ERBB4: variants seen among roughly 807,000 people sequenced by gnomAD.
The protein encoded by ERBB4 is receptor tyrosine-protein kinase erbB-4.
A neutral mutation model predicts 158.0 loss-of-function variants in ERBB4; 42 were observed. The ratio of observed to expected loss-of-function variants is 0.27; its 90% confidence interval spans 0.21 to 0.34. The LOEUF is 0.34. ERBB4 is among the 10% of genes least tolerant of loss of function. ERBB4 has a pLI of 1.00. For missense variants in ERBB4, 1,333 were observed against 1,624.1 expected (o/e 0.82, Z 3.08); for synonymous variants, 583 against 558.7 (o/e 1.04, Z -0.61).
At chr2:212,221,241 A>G (rs2083281363) in intron 1 of ERBB4, among the ~76,000 whole-genome samples, 1 of 151,606 alleles carries the variant, frequency 6.6e-6, no homozygotes, top group African/African-American at 2.4e-5. Context: ...GCTAGAATCA[A>G]TATGAATGAT....
intron 2 of ERBB4, among the ~76,000 whole-genome samples, chr2:212,111,799 A>C (rs1488977439): frequency 6.6e-6 from 1 of 152,136 alleles, no homozygotes; most frequent in African/African-American, 2.4e-5. Context: ...GAAAGATAAG[A>C]TGTAGCTCTT....
chr2:211,436,961 G>A (rs758556965), intron 20 of ERBB4, among the ~76,000 whole-genome samples: 49 of 152,156 alleles, frequency 3.2e-4, no homozygotes, highest in Non-Finnish European at 1.0e-4. Flanking sequence ...CAGTGCTGTA[G>A]AATGCTTTCT....
chr2:212,125,024 T>G, intron 1 of ERBB4, 121 bp from the exon 2 acceptor site: 1 of 1,235,252 alleles, frequency 8.1e-7, no homozygotes, highest in Non-Finnish European at 1.2e-6. Flanking sequence ...ATATAAATAT[T>G]TCGATCGTCA....
intron 19 of ERBB4, among the ~76,000 whole-genome samples, chr2:211,570,653 A>G (rs745901736): frequency 1.4e-4 from 22 of 151,996 alleles, no homozygotes; most frequent in Non-Finnish European, 2.9e-4. Context: ...CTTCACCTTC[A>G]CTGTGCTTAC....
chr2:211,498,434 T>A (rs1374243706), intron 20 of ERBB4, among the ~76,000 whole-genome samples: 1 of 152,158 alleles, frequency 6.6e-6, no homozygotes, highest in Admixed American at 6.5e-5. Context: ...CATGAATGTA[T>A]AAATGTAATA....
At chr2:212,425,085 C>G (rs548223937) in intron 1 of ERBB4, among the ~76,000 whole-genome samples, 2 of 151,790 alleles carry the variant, frequency 1.3e-5, no homozygotes, top group African/African-American at 4.8e-5. Flanking sequence ...GCAGATTTTT[C>G]TAAGCTTTCT....
chr2:212,166,867 G>T (rs1281598714), intron 1 of ERBB4, among the ~76,000 whole-genome samples: 1 of 152,090 alleles, frequency 6.6e-6, no homozygotes, highest in Non-Finnish European at 1.5e-5. Context: ...CATAAATGGT[G>T]CTGGGAAAAC....
At chr2:212,334,687 A>C (rs1309773807) in intron 1 of ERBB4, among the ~76,000 whole-genome samples, 1 of 152,054 alleles carries the variant, frequency 6.6e-6, no homozygotes, top group Non-Finnish European at 1.5e-5. Flanking sequence ...TATGGCAGAC[A>C]TTCAATAATG....
intron 1 of ERBB4, among the ~76,000 whole-genome samples, chr2:212,234,959 A>G (rs1245025918): frequency 1.3e-5 from 2 of 151,982 alleles, no homozygotes; most frequent in African/African-American, 4.8e-5. Flanking sequence ...CCTTTGCTGT[A>G]TAGAGGCTTT....
chr2:212,110,203 C>A (rs193178594), intron 2 of ERBB4, among the ~76,000 whole-genome samples: 2 of 152,106 alleles, frequency 1.3e-5, no homozygotes, highest in African/African-American at 2.4e-5. Context: ...TCAAAGGATT[C>A]GAAAAATCTA....
At chr2:212,333,671 G>C (rs1278210997) in intron 1 of ERBB4, among the ~76,000 whole-genome samples, 1 of 145,898 alleles carries the variant, frequency 6.9e-6, no homozygotes, top group Non-Finnish European at 1.5e-5. Flanking sequence ...TCCAGCCTGG[G>C]TGATGGAGTG....
intron 20 of ERBB4, among the ~76,000 whole-genome samples, chr2:211,523,552 T>A (rs566394492): frequency 1.3e-5 from 2 of 151,726 alleles, no homozygotes; most frequent in Admixed American, 1.3e-4. Context: ...GGGTTCGTGG[T>A]CTCCTAGGCT....
intron 8 of ERBB4, 116 bp downstream of exon 8, chr2:211,713,419 G>A (rs2073779482): frequency 4.2e-6 from 3 of 714,786 alleles, no homozygotes; most frequent in Non-Finnish European, 7.8e-6. Context: ...GAAAGCGTGT[G>A]GGTAGGTTTG....
At chr2:211,940,018 T>C (rs73077389) in intron 3 of ERBB4, among the ~76,000 whole-genome samples, 17 of 151,302 alleles carry the variant, frequency 1.1e-4, no homozygotes, top group Non-Finnish European at 1.9e-4. Context: ...GAGATAGATA[T>C]AGATTTGGTT....
chr2:211,954,058 T>A (rs534670967), intron 2 of ERBB4, among the ~76,000 whole-genome samples: 1 of 152,194 alleles, frequency 6.6e-6, no homozygotes, highest in African/African-American at 2.4e-5. Flanking sequence ...GTCTTCACTA[T>A]TTTTACATTT....
intron 1 of ERBB4, among the ~76,000 whole-genome samples, chr2:212,232,200 T>C (rs1208910558): frequency 3.3e-5 from 5 of 152,194 alleles, no homozygotes; most frequent in Non-Finnish European, 7.3e-5. Context: ...TATGTTGTTT[T>C]TATATGTTAT....
intron 2 of ERBB4, among the ~76,000 whole-genome samples, chr2:212,054,451 AG>A (rs1175894498): frequency 1.3e-5 from 2 of 152,212 alleles, no homozygotes; most frequent in Non-Finnish European, 2.9e-5. Flanking sequence ...GAGTGGAAAA[AG>A]CTACCAGCAA....
chr2:212,237,949 G>C (rs1193529544), intron 1 of ERBB4, among the ~76,000 whole-genome samples: 3 of 152,192 alleles, frequency 2.0e-5, no homozygotes, highest in Non-Finnish European at 1.5e-5. Context: ...AAGTGTCCCA[G>C]GTTGACTTCA....
chr2:212,195,590 C>T (rs534948750), intron 1 of ERBB4, among the ~76,000 whole-genome samples: 56 of 151,850 alleles, frequency 3.7e-4, no homozygotes, highest in Non-Finnish European at 7.5e-4. Context: ...GGTTAGAGTA[C>T]GTAAGAAAAT....
Sources: gnomAD v4.1 joint callset for allele counts (sites outside exome capture counted in the v4.1 genomes callset) on GRCh38, gnomAD v4.1.1 for gene constraint, MANE v1.5 for transcripts, NCBI Gene and HGNC (gene_info 2026-07-23, HGNC 2026-07-21) for gene names.